Variants in IFT140 observed in about 807,000 individuals in gnomAD.
The protein encoded by IFT140 is intraflagellar transport 140, also known as intraflagellar transport protein 140 homolog.
IFT140 carries 133 observed loss-of-function variants against 164.6 expected under a neutral mutation model. The observed-to-expected ratio is 0.81, with a 90% CI of 0.70 to 0.93. The LOEUF is 0.93. Ranked by LOEUF, IFT140 falls within the 40% of genes least tolerant of loss-of-function variation. IFT140 has a pLI of 0.00. For missense variants in IFT140, 2,045 were observed against 1,972.3 expected (o/e 1.04, Z -0.70); for synonymous variants, 860 against 817.3 (o/e 1.05, Z -0.89).
intron 19 of IFT140, among the ~76,000 whole-genome samples, chr16:1,544,859 A>G (rs558422058): frequency 2.6e-5 from 4 of 151,914 alleles, no homozygotes; most frequent in African/African-American, 9.7e-5. Context: ...CGTGTTAGCC[A>G]GGATGGTCTC....
At chr16:1,566,426 T>C in intron 15 of IFT140, 135 bp from the exon 16 acceptor site, 2 of 742,898 alleles carry the variant, frequency 2.7e-6, no homozygotes, top group South Asian at 1.7e-5. Context: ...CCACTCATCT[T>C]CCAAGGACTA....
intron 13 of IFT140, among the ~76,000 whole-genome samples, chr16:1,575,731 G>GC (rs1246278485): frequency 6.7e-6 from 1 of 150,136 alleles, no homozygotes; most frequent in African/African-American, 2.5e-5. Context: ...CATGCCACTG[G>GC]CCTCTCCCAG....
At chr16:1,570,518 G>A (rs2033959489) in intron 14 of IFT140, among the ~76,000 whole-genome samples, 1 of 152,090 alleles carries the variant, frequency 6.6e-6, no homozygotes, top group Admixed American at 6.5e-5. Context: ...CAGTGCACAC[G>A]CATCACAGGA....
chr16:1,565,172 T>C (rs1252718678), intron 16 of IFT140, among the ~76,000 whole-genome samples: 1 of 151,972 alleles, frequency 6.6e-6, no homozygotes, highest in Admixed American at 6.6e-5. Context: ...TGAAAAGACA[T>C]TTTGGTATGA....
At chr16:1,548,443 G>A (rs923871974) in intron 19 of IFT140, among the ~76,000 whole-genome samples, 3 of 152,236 alleles carry the variant, frequency 2.0e-5, no homozygotes, top group African/African-American at 7.2e-5. Context: ...CACACTGTCC[G>A]GGCGGCTCAC....
chr16:1,592,887 G>C (rs574350393), intron 4 of IFT140, among the ~76,000 whole-genome samples: 1 of 151,872 alleles, frequency 6.6e-6, no homozygotes, highest in African/African-American at 2.4e-5. Flanking sequence ...AGAGTGACTG[G>C]TGGAAGGACA....
chr16:1,532,338 G>C (rs1191778163), intron 19 of IFT140: 3 of 152,368 alleles, frequency 2.0e-5, no homozygotes. Flanking sequence ...TCCCCCCCAG[G>C]CACGTCCCTC....
intron 4 of IFT140, among the ~76,000 whole-genome samples, chr16:1,596,198 C>G (rs2035454905): frequency 6.7e-6 from 1 of 149,986 alleles, no homozygotes; most frequent in Admixed American, 6.6e-5. Flanking sequence ...ATGACCCCCC[C>G]ATCCCCCTCC....
intron 20 of IFT140, 69 bp from the exon 21 acceptor site, chr16:1,526,146 G>T: frequency 7.1e-7 from 1 of 1,415,196 alleles, no homozygotes; most frequent in Non-Finnish European, 9.6e-7. Context: ...ACTGTTCCAC[G>T]CCAGGCCACC....
intron 19 of IFT140, among the ~76,000 whole-genome samples, chr16:1,545,918 A>T (rs1256043509): frequency 6.6e-6 from 1 of 152,154 alleles, no homozygotes; most frequent in Non-Finnish European, 1.5e-5. Context: ...CTGCTCTGAC[A>T]CCCAGAGAGA....
chr16:1,594,739 G>C (rs2035364487), intron 4 of IFT140, among the ~76,000 whole-genome samples: 1 of 152,234 alleles, frequency 6.6e-6, no homozygotes, highest in Non-Finnish European at 1.5e-5. Flanking sequence ...GGCCTCCCGG[G>C]ACGAGGGGAT....
chr16:1,517,129 G>T (rs1281865534), intron 30 of IFT140, among the ~76,000 whole-genome samples: 2 of 152,202 alleles, frequency 1.3e-5, no homozygotes, highest in East Asian at 3.8e-4. Flanking sequence ...CCAGCACTTT[G>T]GGAGGTGGAG....
At chr16:1,534,150 C>T (rs756533147) in intron 19 of IFT140, 21 of 1,264,518 alleles carry the variant, frequency 1.7e-5, no homozygotes, top group South Asian at 6.0e-5. Context: ...GGCCTCCGCC[C>T]GCGCCGCCCC....
rs769499793 is a variant in IFT140 at position 1,524,661 on chromosome 16, G to A, written c.3032C>T (p.Ala1011Val). ...AQIANETGNL[A>V]ASYHLARQYE... ...CTGGCGGGCGAGGTGGTAGGAGGCC[G>A]CCAGGTTTCCTGTCTCGTTGGCTAT... is the stretch of plus-strand genomic sequence containing the variant. Residue 1011 changes from alanine (A) to valine (V), a missense_variant, in exon 24 of 31, where the codon GCG (alanine) becomes GTG (valine). Transcript: ENST00000426508. 5.1e-6 allele frequency: 8 copies of A among 1,578,906 alleles called. No individual in the cohort carries two copies. The highest frequency in any genetic ancestry group is 3.5e-5 in the Admixed American group (2 of 56,944).
intron 13 of IFT140, among the ~76,000 whole-genome samples, chr16:1,572,077 G>T (rs960336643): frequency 6.6e-6 from 1 of 152,012 alleles, no homozygotes; most frequent in East Asian, 1.9e-4. Context: ...TCCCACCCGC[G>T]AAAAGCCCCT....
chr16:1,581,779 C>T (rs112775181), intron 12 of IFT140, among the ~76,000 whole-genome samples: 3 of 7,164 alleles, frequency 4.2e-4, no homozygotes, highest in Admixed American at 2.0e-3. Context: ...GGGAGGGGAG[C>T]GGAGGGGAGG....
chr16:1,604,272 GGCGTGTGTGTGTGTGTGTGT>G (rs2035940515), intron 3 of IFT140: 1 of 42,886 alleles, frequency 2.3e-5, no homozygotes, highest in Non-Finnish European at 4.6e-5. Flanking sequence ...GCGCTGCAAG[GGCGTGTGTGTGTGTGTGTGT>G]GTGTGTGTGT....
chr16:1,600,571 CAG>C (rs1171293031), intron 4 of IFT140, among the ~76,000 whole-genome samples: 1 of 151,714 alleles, frequency 6.6e-6, no homozygotes, highest in South Asian at 2.1e-4. Context: ...TGTTAATCAA[CAG>C]GGGGCTGGTT....
chr16:1,564,163 C>T lies in IFT140; in HGVS notation c.1902-1G>A. On this transcript the variant is annotated splice_acceptor_variant, in intron 16 of 30. Transcript: ENST00000426508. LOFTEE classifies it high-confidence loss of function. The surrounding 1 kb of genome is among the most constrained non-coding windows in gnomAD (Gnocchi z 5.5). The stretch of plus-strand genomic sequence containing the variant: ...TCCCTCATCCACAAAGAGGTGGCTC[C>T]TAAAAGACAAAGGAAGACCCGTTTC... 4.5e-6 allele frequency: 7 copies of T among 1,565,288 alleles called. No individual in the cohort carries two copies. Among genetic ancestry groups the T allele is most frequent in the South Asian group, 1.1e-5 (1 of 87,082 alleles).
Sources: gnomAD v4.1 joint callset for allele counts (sites outside exome capture counted in the v4.1 genomes callset) on GRCh38, gnomAD v4.1.1 for gene constraint, Gnocchi (gnomAD v3.1) non-coding constraint, MANE v1.5 for transcripts, NCBI Gene and HGNC (gene_info 2026-07-23, HGNC 2026-07-21) for gene names.